NTM: variants seen among roughly 807,000 people sequenced by gnomAD.
NTM encodes IgLON family member 2.
In NTM, 13 loss-of-function variants were observed where a neutral mutation model predicts 42.1. The observed-to-expected ratio is 0.31, with a 90% CI of 0.20 to 0.49. The LOEUF (loss-of-function observed/expected upper bound fraction) is 0.49. Ranked by LOEUF, NTM falls within the 20% of genes least tolerant of loss-of-function variation. The pLI is 0.99. For synonymous variants in NTM, 187 were observed against 179.2 expected (o/e 1.04, Z -0.35); for missense variants, 373 against 452.8 (o/e 0.82, Z 1.60).
At chr11:132,161,714 G>A (rs1244994095) in intron 3 of NTM, among the ~76,000 whole-genome samples, 2 of 151,790 alleles carry the variant, frequency 1.3e-5, no homozygotes, top group Admixed American at 6.6e-5. Context: ...TTTCTTCCCC[G>A]TGCGCAGCCC....
intron 2 of NTM, among the ~76,000 whole-genome samples, chr11:131,915,532 T>C (rs749855448): frequency 2.0e-5 from 3 of 152,196 alleles, no homozygotes; most frequent in African/African-American, 7.2e-5. Context: ...CATTTCTCTA[T>C]CATTTTATTT....
rs1362145304 is a variant in NTM at position 131,887,360 on chromosome 11, G to A, written c.83-24204G>A. 7.2e-5 allele frequency among the ~76,000 whole-genome samples: 11 copies of A among 152,320 alleles called. No homozygotes were observed. The South Asian group carries it at 2.1e-3, about 29-fold the overall frequency. On this transcript the variant is annotated intron_variant, in intron 1 of 8. Transcript: ENST00000683400. ...AAACAAAAACAAAACAGGAAATTCA[G>A]TGAATCCTGATTTCTAACACAATGA...
rs543338310 is a variant in NTM, at chr11:131,593,186, G to T, written c.82+222298G>T. Among the ~76,000 whole-genome samples, 13 of 152,224 alleles carry T rather than the reference G, an allele frequency of 8.5e-5. No individual in the cohort carries two copies. The East Asian group carries it at 2.5e-3, about 29-fold the overall frequency. On this transcript the variant is annotated intron_variant, in intron 1 of 8. Transcript: ENST00000683400. ...AAAGAGCAGTCCTGTCCCTCCTGCA[G>T]CCCCCACCCATCCCTACACCTCTCC...
intron 1 of NTM, among the ~76,000 whole-genome samples, chr11:131,675,209 C>T (rs970320745): frequency 2.0e-5 from 3 of 152,320 alleles, no homozygotes; most frequent in African/African-American, 7.2e-5. Context: ...CAATTTCGGG[C>T]AGCTACACTG....
In NTM at chr11:131,604,341, A is replaced by G. The variant is rs1251058313; in HGVS notation, c.82+233453A>G. 3.3e-5 allele frequency among the ~76,000 whole-genome samples: 5 copies of G among 152,166 alleles called. No homozygotes were observed. In the East Asian group the frequency reaches 9.6e-4, roughly 29 times the overall value. On this transcript the variant is annotated intron_variant, in intron 1 of 8. Transcript: ENST00000683400. ...GTATTTGTATAACTTTGGAGGTAGG[A>G]CTATTCAGATCCTGTGACCATTTTT...
intron 2 of NTM, among the ~76,000 whole-genome samples, chr11:132,109,478 A>G (rs1391126607): frequency 1.3e-5 from 2 of 152,218 alleles, no homozygotes; most frequent in Non-Finnish European, 1.5e-5. Context: ...CTCCAGGACA[A>G]TGATAAATAA....
At chr11:131,759,607 T>C (rs899464493) in intron 1 of NTM, among the ~76,000 whole-genome samples, 1 of 152,156 alleles carries the variant, frequency 6.6e-6, no homozygotes, top group African/African-American at 2.4e-5. Flanking sequence ...GAAACACACT[T>C]GTAAGAGGTT....
chr11:131,795,025 G>A (rs1229922880), intron 1 of NTM: 2 of 983,540 alleles, frequency 2.0e-6, no homozygotes, highest in Non-Finnish European at 2.4e-6. Context: ...CTCCTTCCTG[G>A]ACCCTGTAGC....
At chr11:131,952,232 T>A (rs1238595459) in intron 2 of NTM, among the ~76,000 whole-genome samples, 1 of 152,152 alleles carries the variant, frequency 6.6e-6, no homozygotes, top group Non-Finnish European at 1.5e-5. Context: ...CCCTTCACCC[T>A]TAATCTGAAC....
chr11:132,323,537 G>C (rs949121611), intron 7 of NTM, among the ~76,000 whole-genome samples: 1 of 151,688 alleles, frequency 6.6e-6, no homozygotes, highest in Admixed American at 6.6e-5. Flanking sequence ...ATAATCAATA[G>C]CTTACCAACC....
chr11:132,303,605 T>G (rs927603962), intron 4 of NTM, among the ~76,000 whole-genome samples: 2 of 152,090 alleles, frequency 1.3e-5, no homozygotes, highest in African/African-American at 4.8e-5. Flanking sequence ...CATACCTTTT[T>G]TGGGAGGACA....
At position 131,549,027 on chromosome 11, in the gene NTM, G is replaced by GGAAT. The variant is rs1008840660; in HGVS notation, c.82+178155_82+178158dup. On this transcript the variant is annotated intron_variant, in intron 1 of 8. Coordinates refer to ENST00000683400, the MANE Select transcript of NTM (RefSeq NM_001352005.2). The stretch of plus-strand genomic sequence containing the variant: ...TGTGCATATGCCATCAGTAAAAGTA[G>GGAAT]GAATGAATGAATGAATGAACGAACT... 1.1e-4 allele frequency among the ~76,000 whole-genome samples: 16 copies of GGAAT among 152,206 alleles called. No homozygotes were observed. In the South Asian group the frequency reaches 1.2e-3, roughly 12 times the overall value.
chr11:132,105,415 T>C (rs1186702675), intron 2 of NTM, among the ~76,000 whole-genome samples: 1 of 151,812 alleles, frequency 6.6e-6, no homozygotes, highest in Non-Finnish European at 1.5e-5. Flanking sequence ...TAAAATTCAA[T>C]GATTGGGAGA....
At chr11:131,948,668 A>G (rs1358209343) in intron 2 of NTM, among the ~76,000 whole-genome samples, 1 of 152,104 alleles carries the variant, frequency 6.6e-6, no homozygotes, top group African/African-American at 2.4e-5. Flanking sequence ...TGGTATCTCA[A>G]GGGCTTCTTT....
rs183082272 is a variant in NTM, at chr11:131,454,471, C to T, written c.82+83583C>T. Among the ~76,000 whole-genome samples the T allele has an allele frequency of 2.0e-4, 30 of 152,264 alleles. No individual in the cohort carries two copies. The East Asian group carries it at 5.8e-3, about 29-fold the overall frequency. On this transcript the variant is annotated intron_variant, in intron 1 of 8. Transcript: ENST00000683400. ...CCACGTGTGGCAATGGCAGGCGTCC[C>T]CCAACACACCTTTACCCACTTTAAG...
In NTM at chr11:131,875,995, A is replaced by G. The variant is rs138009838; in HGVS notation, c.83-35569A>G. On this transcript the variant is annotated intron_variant, in intron 1 of 8. Coordinates refer to ENST00000683400, the MANE Select transcript of NTM (RefSeq NM_001352005.2). ...AGGGAGAGTCGGGCCCAGGAGTGAC[A>G]CTCAACAATTTTGTTTTGAACTTCT... Among the ~76,000 whole-genome samples, 15 of 152,298 alleles carry G rather than the reference A, an allele frequency of 9.8e-5. No homozygotes were observed. In the East Asian group the frequency reaches 2.9e-3, roughly 29 times the overall value.
chr11:131,884,066 G>A (rs975158812), intron 1 of NTM, among the ~76,000 whole-genome samples: 7 of 152,278 alleles, frequency 4.6e-5, no homozygotes, highest in African/African-American at 1.7e-4. Context: ...AATCTGTACA[G>A]CAACCCTACA....
At position 132,233,014 on chromosome 11, in the gene NTM, A is replaced by C. The variant is rs2087951704; in HGVS notation, c.526+20867A>C. Among the ~76,000 whole-genome samples, 5 of 152,346 alleles carry C rather than the reference A, an allele frequency of 3.3e-5. No individual in the cohort carries two copies. In the South Asian group the frequency reaches 1.0e-3, roughly 32 times the overall value. ...ACCATTTCACAAATGCTGTGGTGGA[A>C]GGGAGTCTAAGGAAATGAAGAGAGT... On this transcript the variant is annotated intron_variant, in intron 4 of 8. Transcript: ENST00000683400.
At chr11:131,621,202 T>A (rs1399179002) in intron 1 of NTM, among the ~76,000 whole-genome samples, 1 of 152,240 alleles carries the variant, frequency 6.6e-6, no homozygotes, top group African/African-American at 2.4e-5. Flanking sequence ...TACGTCTGTG[T>A]ATTCACTGGC....
Sources: gnomAD v4.1 joint callset for allele counts (sites outside exome capture counted in the v4.1 genomes callset) on GRCh38, gnomAD v4.1.1 for gene constraint, MANE v1.5 for transcripts, NCBI Gene and HGNC (gene_info 2026-07-23, HGNC 2026-07-21) for gene names.